Variants in BCL11A observed in about 807,000 individuals in gnomAD.
The protein encoded by BCL11A is BCL11 transcription factor A, also known as B cell CLL/lymphoma 11A.
BCL11A carries 2 observed loss-of-function variants against 55.9 expected under a neutral mutation model. The observed-to-expected ratio is 0.04, with a 90% confidence interval of 0.01 to 0.11. The LOEUF is 0.11. Ranked by LOEUF, BCL11A falls within the 10% of genes least tolerant of loss-of-function variation. The pLI, the probability that BCL11A is intolerant of heterozygous loss-of-function variation, is 1.00. For synonymous variants in BCL11A, 465 were observed against 473.4 expected, an observed-to-expected ratio of 0.98 and a Z score of 0.23; for missense variants, 817 against 1,137.1, an observed-to-expected ratio of 0.72 and a Z score of 4.05.
At chr2:60,532,329 T>G (rs1333598864) in intron 2 of BCL11A, among the ~76,000 whole-genome samples, 5 of 124,228 alleles carry the variant, frequency 4.0e-5, no homozygotes, top group Admixed American at 7.5e-5. Context: ...GGTTTTTGGG[T>G]TTTTTTTTTT....
intron 2 of BCL11A, among the ~76,000 whole-genome samples, chr2:60,514,784 A>G (rs896217530): frequency 1.3e-5 from 2 of 152,082 alleles, no homozygotes; most frequent in Admixed American, 1.3e-4. Flanking sequence ...GTAAGGCACC[A>G]TAAGAGGCTG....
At chr2:60,550,956 G>C (rs986177646) in intron 1 of BCL11A, 1 of 392,482 alleles carries the variant, frequency 2.5e-6, no homozygotes, top group Admixed American at 4.4e-5. Context: ...GGAGAGCGGC[G>C]AGGGAGGGAT....
chr2:60,454,374 A>G (rs1246292936), downstream of BCL11A, among the ~76,000 whole-genome samples: 4 of 152,222 alleles, frequency 2.6e-5, no homozygotes, highest in African/African-American at 9.6e-5. Flanking sequence ...GTCTTTTAAG[A>G]AACATTTTTC....
intron 2 of BCL11A, among the ~76,000 whole-genome samples, chr2:60,508,097 C>T (rs1679747501): frequency 1.3e-5 from 2 of 152,180 alleles, no homozygotes; most frequent in South Asian, 4.1e-4. Context: ...TGTCATGGTG[C>T]TTACTGCCCT....
At chr2:60,531,715 G>A (rs1375825662) in intron 2 of BCL11A, among the ~76,000 whole-genome samples, 1 of 152,138 alleles carries the variant, frequency 6.6e-6, no homozygotes, top group African/African-American at 2.4e-5. Flanking sequence ...GACACCACCA[G>A]GAGACGCTGA....
At chr2:60,498,919 G>A (rs181699714) in intron 2 of BCL11A, among the ~76,000 whole-genome samples, 104 of 129,024 alleles carry the variant, frequency 8.1e-4, no homozygotes, top group African/African-American at 2.7e-3. Flanking sequence ...CAGAAACTAC[G>A]TTTGTCTAAT....
chr2:60,553,138 T>C, intron 1 of BCL11A, 78 bp downstream of exon 1: 1 of 1,436,046 alleles, frequency 7.0e-7, no homozygotes, highest in Non-Finnish European at 9.4e-7. Flanking sequence ...CACCCCTCTC[T>C]CCCCCTCGCT....
intron 2 of BCL11A, among the ~76,000 whole-genome samples, chr2:60,473,527 G>A (rs988603561): frequency 1.3e-5 from 2 of 152,124 alleles, no homozygotes; most frequent in African/African-American, 4.8e-5. Flanking sequence ...TACCCTGAAG[G>A]AACCCATTCC....
At chr2:60,472,468 A>C (rs578079562) in intron 2 of BCL11A, among the ~76,000 whole-genome samples, 1 of 152,236 alleles carries the variant, frequency 6.6e-6, no homozygotes, top group South Asian at 2.1e-4. Context: ...CAGTATTTCC[A>C]CTTGGGGCCT....
intron 2 of BCL11A, among the ~76,000 whole-genome samples, chr2:60,485,189 C>T (rs1461194529): frequency 6.6e-6 from 1 of 152,202 alleles, no homozygotes; most frequent in East Asian, 1.9e-4. Flanking sequence ...CAAATAAATG[C>T]AGTCATCCAG....
At chr2:60,521,537 TAGA>T (rs1227862641) in intron 2 of BCL11A, among the ~76,000 whole-genome samples, 3 of 152,206 alleles carry the variant, frequency 2.0e-5, no homozygotes, top group African/African-American at 7.2e-5. Flanking sequence ...TTTTGCTATC[TAGA>T]AGAACAAAAT....
chr2:60,531,029 C>G (rs751069031), intron 2 of BCL11A, among the ~76,000 whole-genome samples: 5 of 152,164 alleles, frequency 3.3e-5, no homozygotes, highest in Non-Finnish European at 4.4e-5. Context: ...GGGAGAGTAA[C>G]GCTCCCAATG....
chr2:60,519,498 G>A (rs1205695949), intron 2 of BCL11A, among the ~76,000 whole-genome samples: 1 of 152,114 alleles, frequency 6.6e-6, no homozygotes, highest in African/African-American at 2.4e-5. Flanking sequence ...TAGGAAAAAG[G>A]TGACTGCACT....
downstream of BCL11A, chr2:60,452,699 A>T (rs919060514): frequency 6.5e-7 from 1 of 1,539,656 alleles, no homozygotes; most frequent in Admixed American, 1.7e-5. Flanking sequence ...GGAGGGGGAA[A>T]AAAAAAGTAC....
chr2:60,481,743 T>C (rs1314332960), intron 2 of BCL11A, among the ~76,000 whole-genome samples: 2 of 152,216 alleles, frequency 1.3e-5, no homozygotes, highest in Admixed American at 1.3e-4. Flanking sequence ...GCATTTTTTT[T>C]CCACAAGTGA....
intron 2 of BCL11A, among the ~76,000 whole-genome samples, chr2:60,517,353 G>A (rs1042220466): frequency 6.6e-5 from 10 of 152,210 alleles, no homozygotes; most frequent in Admixed American, 2.6e-4. Flanking sequence ...AGCCCTAGCA[G>A]GAAAGGTGGT....
At chr2:60,541,879 C>T (rs1161529669) in intron 2 of BCL11A, 2 of 695,342 alleles carry the variant, frequency 2.9e-6, no homozygotes, top group South Asian at 3.1e-5. Flanking sequence ...GTCTCATTTA[C>T]AATTACACCA....
downstream of BCL11A, among the ~76,000 whole-genome samples, chr2:60,456,752 T>C (rs538918197): frequency 6.6e-6 from 1 of 152,184 alleles, no homozygotes; most frequent in East Asian, 1.9e-4. Context: ...AAAGAGCTGA[T>C]TTTTTTTAAA....
Position 60,460,375 on chromosome 2 carries a change from G to C in BCL11A, c.*29C>G. On this transcript the variant is annotated 3_prime_UTR_variant, in exon 4 of 4. Transcript: ENST00000642384. ...AGTGGTGAAAAAGGGGGTGTCAGGT[G>C]GGAGTGAGGGAGGGGTATTAATATA... The C allele has an allele frequency of 6.4e-7, 1 of 1,558,638 alleles. No individual in the cohort carries two copies. Among genetic ancestry groups the C allele is most frequent in the South Asian group, 1.2e-5 (1 of 82,332 alleles).
Sources: gnomAD v4.1 joint callset for allele counts (sites outside exome capture counted in the v4.1 genomes callset) on GRCh38, gnomAD v4.1.1 for gene constraint, MANE v1.5 for transcripts, NCBI Gene and HGNC (gene_info 2026-07-23, HGNC 2026-07-21) for gene names.